FRAS1: variants seen among roughly 807,000 people sequenced by gnomAD.
The protein encoded by FRAS1 is Fraser extracellular matrix complex subunit 1, also known as extracellular matrix organizing protein FRAS1.
FRAS1 carries 290 observed loss-of-function variants against 435.2 expected under a neutral mutation model. The observed-to-expected ratio is 0.67, with a 90% CI of 0.61 to 0.73. The LOEUF (loss-of-function observed/expected upper bound fraction) is 0.73. Among genes scored for constraint, FRAS1 ranks in the 30% least tolerant of loss-of-function variants. The pLI, the probability that FRAS1 is intolerant of heterozygous loss-of-function variation, is 0.00. For missense variants in FRAS1, 4,860 were observed against 5,001.5 expected (o/e 0.97, Z 0.85); for synonymous variants, 1,800 against 1,851.0 (o/e 0.97, Z 0.71).
At chr4:78,266,370 T>C (rs1726355437) in intron 7 of FRAS1, among the ~76,000 whole-genome samples, 1 of 152,150 alleles carries the variant, frequency 6.6e-6, no homozygotes, top group African/African-American at 2.4e-5. Flanking sequence ...GGGAGGAGAA[T>C]TTTTACTTTG....
chr4:78,524,976 A>T (rs1721487461), intron 69 of FRAS1, among the ~76,000 whole-genome samples: 1 of 152,204 alleles, frequency 6.6e-6, no homozygotes, highest in Non-Finnish European at 1.5e-5. Flanking sequence ...CATGGGAAAC[A>T]GGGTTCCTGG....
intron 2 of FRAS1, among the ~76,000 whole-genome samples, chr4:78,214,116 T>G (rs1723637520): frequency 6.6e-6 from 1 of 152,216 alleles, no homozygotes. Flanking sequence ...ACTGGATTGA[T>G]GTAGCTGAAA....
intron 2 of FRAS1, among the ~76,000 whole-genome samples, chr4:78,203,650 T>G (rs575336305): frequency 6.6e-6 from 1 of 152,290 alleles, no homozygotes; most frequent in East Asian, 1.9e-4. Flanking sequence ...CACTGCAACC[T>G]CCACCTCCTG....
chr4:78,378,936 T>G (rs2110318122), intron 26 of FRAS1, among the ~76,000 whole-genome samples: 2 of 152,260 alleles, frequency 1.3e-5, no homozygotes, highest in South Asian at 4.1e-4. Context: ...AAGAAAGCAT[T>G]GTCTACTTCA....
At chr4:78,255,177 TG>T in intron 5 of FRAS1, 64 bp from the exon 6 acceptor site, 1 of 1,520,434 alleles carries the variant, frequency 6.6e-7, no homozygotes, top group East Asian at 2.5e-5. Flanking sequence ...TGCACGCCCA[TG>T]CAGTCAGCCC....
chr4:78,508,180 G>A (rs1263927673), intron 62 of FRAS1, among the ~76,000 whole-genome samples: 1 of 152,164 alleles, frequency 6.6e-6, no homozygotes, highest in Non-Finnish European at 1.5e-5. Flanking sequence ...CAATTAAGAG[G>A]AAAACACCTA....
chr4:78,508,637 C>T, intron 62 of FRAS1, 94 bp from the exon 63 acceptor site: 1 of 1,286,338 alleles, frequency 7.8e-7, no homozygotes, highest in Non-Finnish European at 1.1e-6. Flanking sequence ...CCTGTAGACA[C>T]TAAGAGATCT....
rs200267733 is a variant in FRAS1 at position 78,249,064 on chromosome 4, C to CATATATAT, written c.310-3313_310-3306dup. Among the ~76,000 whole-genome samples, 103 of 16,564 alleles carry CATATATAT rather than the reference C, an allele frequency of 6.2e-3. 6 individuals carry two copies. Among genetic ancestry groups the CATATATAT allele is most frequent in the Middle Eastern group, 0.062 (2 of 32 alleles). The allele number at this position is 16,564 out of a possible 152,430, so 10.9% of individuals were successfully genotyped here. A position where few individuals can be genotyped will look rare whatever the true frequency, so the allele number is the denominator to read the frequency against. On this transcript the variant is annotated intron_variant, in intron 4 of 73. Transcript: ENST00000512123. ...AGAACTACTGATATATATATATATGCATATATATATATATATATATATGCA... is the reference window on the plus strand; with the variant it reads ...AGAACTACTGATATATATATATATGCATATATATATATATATATATATATATATATGCA...
At chr4:78,269,887 C>T (rs1251351415) in intron 9 of FRAS1, among the ~76,000 whole-genome samples, 3 of 152,052 alleles carry the variant, frequency 2.0e-5, no homozygotes, top group East Asian at 3.9e-4. Flanking sequence ...AGGGTAGGCG[C>T]GTGGTAAATG....
At chr4:78,522,554 T>C (rs1560425234) in intron 68 of FRAS1, 95 bp from the exon 69 acceptor site, 1 of 1,079,960 alleles carries the variant, frequency 9.3e-7, no homozygotes, top group Non-Finnish European at 1.3e-6. Flanking sequence ...AGAACATTAA[T>C]TCAGTTCTCA....
chr4:78,139,850 G>T (rs1012357552), intron 2 of FRAS1, among the ~76,000 whole-genome samples: 4 of 152,078 alleles, frequency 2.6e-5, no homozygotes, highest in Non-Finnish European at 5.9e-5. Context: ...AATTATTTGG[G>T]CTACTGGCTG....
At chr4:78,181,716 T>C in intron 2 of FRAS1, 1 of 1,610,718 alleles carries the variant, frequency 6.2e-7, no homozygotes, top group Non-Finnish European at 8.5e-7. Context: ...TCAGGTCTTC[T>C]TCCAACTCGT....
chr4:78,104,828 T>C (rs559450984), intron 2 of FRAS1, among the ~76,000 whole-genome samples: 1 of 152,340 alleles, frequency 6.6e-6, no homozygotes, highest in East Asian at 1.9e-4. Flanking sequence ...TGTACCCTTA[T>C]TCTGTACTTC....
At chr4:78,537,669 G>A (rs7664814) in intron 72 of FRAS1, among the ~76,000 whole-genome samples, 80,956 of 152,082 alleles carry the variant, frequency 0.53, 22,037 homozygotes, top group East Asian at 0.85. Flanking sequence ...GAGGCAGGGC[G>A]TGGTGGCTCA....
chr4:78,359,060 TA>T (rs1364948957), intron 20 of FRAS1, among the ~76,000 whole-genome samples: 1 of 152,210 alleles, frequency 6.6e-6, no homozygotes, highest in Non-Finnish European at 1.5e-5. Context: ...TATGCTTATT[TA>T]TACTTTGTAA....
chr4:78,221,877 A>G (rs567843934), intron 2 of FRAS1, among the ~76,000 whole-genome samples: 3 of 152,342 alleles, frequency 2.0e-5, no homozygotes, highest in African/African-American at 4.8e-5. Context: ...CTGAAATAGT[A>G]TATTTTGGAT....
intron 2 of FRAS1, among the ~76,000 whole-genome samples, chr4:78,164,187 C>T (rs1721249658): frequency 6.6e-6 from 1 of 152,074 alleles, no homozygotes; most frequent in African/African-American, 2.4e-5. Flanking sequence ...GAAATGGGGT[C>T]CAACCGTAGG....
chr4:78,422,039 C>T (rs1246742723), intron 34 of FRAS1, 39 bp downstream of exon 34: 8 of 1,572,018 alleles, frequency 5.1e-6, no homozygotes, highest in African/African-American at 1.3e-5. Context: ...CCCAACTGCT[C>T]TCTGTGGCTC....
intron 14 of FRAS1, among the ~76,000 whole-genome samples, chr4:78,303,579 T>C (rs1353189814): frequency 6.6e-6 from 1 of 152,214 alleles, no homozygotes; most frequent in Non-Finnish European, 1.5e-5. Context: ...ACGTCCCTTG[T>C]AAGTTGGATT....
Sources: gnomAD v4.1 joint callset for allele counts (sites outside exome capture counted in the v4.1 genomes callset) on GRCh38, gnomAD v4.1.1 for gene constraint, MANE v1.5 for transcripts, NCBI Gene and HGNC (gene_info 2026-07-23, HGNC 2026-07-21) for gene names.